GLIS3: variants seen among roughly 807,000 people sequenced by gnomAD.
The protein encoded by GLIS3 is zinc finger protein GLIS3.
In GLIS3, 53 loss-of-function variants were observed where a neutral mutation model predicts 78.6. That is an observed-to-expected ratio of 0.67 (90% CI 0.54 to 0.85). GLIS3 has a LOEUF of 0.85. Ranked by LOEUF, GLIS3 falls within the 40% of genes least tolerant of loss-of-function variation. The probability of loss-of-function intolerance (pLI) is 0.00; values close to 1 mark genes in which losing one functional copy is unlikely to be tolerated. For missense variants in GLIS3, 1,703 were observed against 1,231.1 expected (o/e 1.38, Z -5.74); for synonymous variants, 684 against 509.9 (o/e 1.34, Z -4.60).
At chr9:3,990,283 T>C (rs1820118855) in intron 4 of GLIS3, among the ~76,000 whole-genome samples, 1 of 152,172 alleles carries the variant, frequency 6.6e-6, no homozygotes, top group African/African-American at 2.4e-5. Context: ...ATTAACATAA[T>C]ATTAGAATCA....
chr9:4,186,775 C>T (rs1370968850), intron 2 of GLIS3, among the ~76,000 whole-genome samples: 3 of 152,046 alleles, frequency 2.0e-5, no homozygotes, highest in Admixed American at 6.6e-5. Context: ...TTTCATGTGT[C>T]TTTTGGCTGC....
At chr9:3,851,120 G>A (rs1229205895) in intron 9 of GLIS3, among the ~76,000 whole-genome samples, 4 of 152,196 alleles carry the variant, frequency 2.6e-5, no homozygotes, top group Admixed American at 2.6e-4. Context: ...TTGTGAAAAT[G>A]CTGTTGTAGG....
intron 2 of GLIS3, among the ~76,000 whole-genome samples, chr9:4,192,492 C>T (rs1225493215): frequency 6.6e-6 from 1 of 152,204 alleles, no homozygotes; most frequent in Non-Finnish European, 1.5e-5. Context: ...TGGAACTCAA[C>T]ACATTCCTAT....
chr9:4,395,777 CTTTT>C, the GLIS3 span, among the ~76,000 whole-genome samples: 3 of 127,722 alleles, frequency 2.3e-5, no homozygotes, highest in Admixed American at 7.6e-5. Context: ...TTCTTTTTTT[CTTTT>C]TTTTTTTTTT....
intron 2 of GLIS3, among the ~76,000 whole-genome samples, chr9:4,207,979 GTGCTTTAAACAGCACA>G: frequency 6.6e-6 from 1 of 152,174 alleles, no homozygotes; most frequent in Non-Finnish European, 1.5e-5. Context: ...GGGTAGCGGT[GTGCTTTAAACAGCACA>G]GTTAGTGTGT....
intron 2 of GLIS3, among the ~76,000 whole-genome samples, chr9:4,187,851 C>G (rs1405345479): frequency 1.3e-5 from 2 of 152,040 alleles, no homozygotes; most frequent in South Asian, 2.1e-4. Context: ...GATTTTGTAT[C>G]CTGAGACTTT....
chr9:4,237,261 C>T lies in GLIS3; in HGVS notation c.388+48777G>A, dbSNP rs189609312. 1.3e-3 allele frequency among the ~76,000 whole-genome samples: 191 copies of T among 152,018 alleles called. 2 individuals are homozygous for T. The highest frequency in any genetic ancestry group is 7.7e-4 in the East Asian group (4 of 5,180). On this transcript the variant is annotated intron_variant, in intron 2 of 10. Coordinates refer to ENST00000381971, the MANE Select transcript of GLIS3 (RefSeq NM_001042413.2). ...TTTGAAATAATTTAAATATTAAAGG[C>T]ATAGCCGGTTAAGTACAGTACAGTC...
chr9:4,368,968 G>T, the GLIS3 span, among the ~76,000 whole-genome samples: 1 of 152,142 alleles, frequency 6.6e-6, no homozygotes, highest in African/African-American at 2.4e-5. Flanking sequence ...TAATTAAACA[G>T]AACAAACAAT....
At chr9:4,384,615 C>G in the GLIS3 span, among the ~76,000 whole-genome samples, 2 of 150,702 alleles carry the variant, frequency 1.3e-5, no homozygotes, top group Non-Finnish European at 3.0e-5. Flanking sequence ...TCTCTAATTT[C>G]TTCCCTGGAC....
intron 2 of GLIS3, among the ~76,000 whole-genome samples, chr9:4,167,326 T>C (rs1364534860): frequency 6.6e-6 from 1 of 152,220 alleles, no homozygotes; most frequent in Non-Finnish European, 1.5e-5. Flanking sequence ...TGCTAAATTC[T>C]TGGGAATTTT....
intron 4 of GLIS3, among the ~76,000 whole-genome samples, chr9:4,061,453 C>T (rs993740839): frequency 7.9e-5 from 12 of 152,018 alleles, no homozygotes; most frequent in Admixed American, 2.0e-4. Context: ...TTTCTTAATC[C>T]AGTCTATCAT....
chr9:4,359,227 T>C, the GLIS3 span, among the ~76,000 whole-genome samples: 1 of 151,462 alleles, frequency 6.6e-6, no homozygotes, highest in Non-Finnish European at 1.5e-5. Flanking sequence ...GATGAGCGCG[T>C]GTGAATCTCC....
At chr9:4,405,661 G>C in the GLIS3 span, among the ~76,000 whole-genome samples, 2 of 151,710 alleles carry the variant, frequency 1.3e-5, no homozygotes, top group African/African-American at 4.8e-5. Flanking sequence ...AGAACTAATA[G>C]CAACCCTACT....
At chr9:3,844,996 A>C (rs940541041) in intron 9 of GLIS3, among the ~76,000 whole-genome samples, 4 of 152,194 alleles carry the variant, frequency 2.6e-5, no homozygotes, top group Non-Finnish European at 4.4e-5. Flanking sequence ...TCCAACTTTA[A>C]AATGTGCAAC....
intron 2 of GLIS3, among the ~76,000 whole-genome samples, chr9:4,265,171 CAAAAA>C (rs748851157): frequency 3.6e-5 from 3 of 84,354 alleles, no homozygotes; most frequent in Non-Finnish European, 7.1e-5. Flanking sequence ...GACGCCGTCT[CAAAAA>C]AAAAAAAAAA....
chr9:4,429,917 T>G, the GLIS3 span, among the ~76,000 whole-genome samples: 1 of 152,148 alleles, frequency 6.6e-6, no homozygotes, highest in Non-Finnish European at 1.5e-5. Flanking sequence ...TTTAGGCATT[T>G]TATAAAAAAG....
chr9:4,214,040 G>A (rs7850095), intron 2 of GLIS3, among the ~76,000 whole-genome samples: 1 of 151,980 alleles, frequency 6.6e-6, no homozygotes, highest in East Asian at 1.9e-4. Flanking sequence ...GTGCTGGAGT[G>A]AGTATGTGTA....
chr9:3,899,501 ATTTT>A (rs965897744), intron 6 of GLIS3, among the ~76,000 whole-genome samples: 1 of 152,216 alleles, frequency 6.6e-6, no homozygotes, highest in South Asian at 2.1e-4. Context: ...ATGAATAAGA[ATTTT>A]TTAAGTGTAA....
At chr9:4,029,107 C>T (rs1823596657) in intron 4 of GLIS3, among the ~76,000 whole-genome samples, 1 of 152,092 alleles carries the variant, frequency 6.6e-6, no homozygotes, top group African/African-American at 2.4e-5. Context: ...GCTTAAAACA[C>T]AAACCAGTAA....
Sources: allele counts gnomAD v4.1 joint callset (sites outside exome capture counted in the v4.1 genomes callset), GRCh38; gene constraint gnomAD v4.1.1; transcripts MANE v1.5; gene names NCBI Gene and HGNC (gene_info 2026-07-23, HGNC 2026-07-21).